Variants in CHD2 observed in about 807,000 individuals in gnomAD.
The protein encoded by CHD2 is ATP-dependent chromatin remodeler CHD2.
In CHD2, 28 loss-of-function variants were observed where a neutral mutation model predicts 243.9. The ratio of observed to expected loss-of-function variants is 0.11; its 90% confidence interval spans 0.09 to 0.16. The LOEUF (loss-of-function observed/expected upper bound fraction) is 0.16. CHD2 is among the 10% of genes least tolerant of loss of function. The pLI is 1.00. For synonymous variants in CHD2, 775 were observed against 779.0 expected, an observed-to-expected ratio of 0.99 and a Z score of 0.09; for missense variants, 1,386 against 2,209.8, an observed-to-expected ratio of 0.63 and a Z score of 7.47.
At chr15:92,927,978 C>T (rs1489574744) in intron 4 of CHD2, among the ~76,000 whole-genome samples, 1 of 152,030 alleles carries the variant, frequency 6.6e-6, no homozygotes, top group African/African-American at 2.4e-5. Flanking sequence ...GATTCTTATT[C>T]TGAATTAGGT....
intron 3 of CHD2, among the ~76,000 whole-genome samples, chr15:92,925,053 G>A (rs1449666177): frequency 1.3e-5 from 2 of 152,106 alleles, no homozygotes; most frequent in Non-Finnish European, 2.9e-5. Flanking sequence ...CACCTGCCTC[G>A]GCCTCCCAAA....
intron 37 of CHD2, among the ~76,000 whole-genome samples, chr15:93,019,156 TTG>T (rs2054499024): frequency 6.6e-6 from 1 of 152,120 alleles, no homozygotes; most frequent in African/African-American, 2.4e-5. Flanking sequence ...AGGTCCATTT[TTG>T]TGTGTGTGTG....
At chr15:92,994,200 T>C (rs1342007277) in intron 28 of CHD2, among the ~76,000 whole-genome samples, 1 of 152,178 alleles carries the variant, frequency 6.6e-6, no homozygotes, top group African/African-American at 2.4e-5. Context: ...TATAAGACTT[T>C]GGGCAAGTTA....
rs1438273343 is a variant in CHD2 at position 92,967,495 on chromosome 15, TTCAGAA to T, written c.2172_2177del (p.Lys726_Gln727del). On this transcript the variant is annotated inframe_deletion, in exon 17 of 39. Coordinates refer to ENST00000394196, the MANE Select transcript of CHD2 (RefSeq NM_001271.4). ...ATTCTCAGGGTGGAGATGTCAGCCCTTCAGAAACAGTATTACAAGTAAGTTCTTGTT... is the reference window on the plus strand; with the variant it reads ...ATTCTCAGGGTGGAGATGTCAGCCCTACAGTATTACAAGTAAGTTCTTGTT... 1 of 1,613,748 alleles carries T rather than the reference TTCAGAA, an allele frequency of 6.2e-7. No homozygotes were observed. The highest frequency in any genetic ancestry group is 8.5e-7 in the Non-Finnish European group (1 of 1,179,818).
At position 92,980,893 on chromosome 15, in the gene CHD2, G is replaced by C. The variant is rs768439257; in HGVS notation, c.2955G>C (p.Gly985=). The change falls in exon 23 of 39, where the codon GGG becomes GGC. Residue 985 remains glycine (G), a synonymous_variant. Coordinates refer to ENST00000394196, the MANE Select transcript of CHD2 (RefSeq NM_001271.4). ...GAEDLFKELE[G]EESEPQEMDI... ...AGGATCTCTTCAAAGAACTGGAAGG[G>C]GAGGAATCAGAACCTCAGGTAATTA... 1 of 1,613,096 alleles carries C rather than the reference G, an allele frequency of 6.2e-7. No individual in the cohort carries two copies. Among genetic ancestry groups the C allele is most frequent in the Non-Finnish European group, 8.5e-7 (1 of 1,179,212 alleles).
chr15:92,949,285 A>C (rs2053519654), intron 13 of CHD2: 2 of 1,249,704 alleles, frequency 1.6e-6, no homozygotes, highest in African/African-American at 3.1e-5. Flanking sequence ...TTCTGATCTA[A>C]AGAATACTTT....
rs1454060267 is a variant in CHD2 at position 92,985,630 on chromosome 15, C to T, written c.3370C>T (p.Arg1124Trp). The change falls in exon 26 of 39, where the codon CGG becomes TGG. Residue 1124 changes from arginine (R) to tryptophan (W), a missense_variant. Transcript: ENST00000394196. Reference sequence around the variant, plus strand: ...GCGCAGAGGGCGTCCGAGGAGTGTGCGGAAGGACCTCGTGGAGGGATTTAC... The same window carrying T: ...GCGCAGAGGGCGTCCGAGGAGTGTGTGGAAGGACCTCGTGGAGGGATTTAC... ...PKRRGRPRSV[R>W]KDLVEGFTDA... 1.2e-6 allele frequency: 2 copies of T among 1,613,444 alleles called. No individual in the cohort carries two copies. Among genetic ancestry groups the T allele is most frequent in the Non-Finnish European group, 1.7e-6 (2 of 1,179,876 alleles).
rs11639256 is a variant in CHD2 at position 92,985,243 on chromosome 15, T to C, written c.3238-255T>C. 0.69 allele frequency among the ~76,000 whole-genome samples: 104,628 copies of C among 152,096 alleles called. 37,370 individuals are homozygous for C. The highest frequency in any genetic ancestry group is 0.98 in the East Asian group (5,108 of 5,188). ...GAGTAAACATGAACCTGTTTTATAA[T>C]GGGATATTGTAAAAATATTCATATA... On this transcript the variant is annotated intron_variant, in intron 25 of 38. Coordinates refer to ENST00000394196, the MANE Select transcript of CHD2 (RefSeq NM_001271.4).
chr15:92,935,015 G>GT (rs112532540), intron 5 of CHD2, among the ~76,000 whole-genome samples: 2,615 of 146,680 alleles, frequency 0.018, 83 homozygotes, highest in African/African-American at 0.061. Context: ...GATTTGCTAA[G>GT]TTTTTTTTTT....
intron 10 of CHD2, chr15:92,945,389 C>A (rs1440635300): frequency 7.9e-6 from 1 of 127,184 alleles, no homozygotes; most frequent in Non-Finnish European, 1.7e-5. Context: ...TCTTCTTCTT[C>A]TTCTTCTTTT....
chr15:92,904,521 T>C (rs768559117), intron 2 of CHD2: 35 of 996,352 alleles, frequency 3.5e-5, no homozygotes, highest in Non-Finnish European at 4.0e-5. Flanking sequence ...AGTTGGGACT[T>C]TCCGGTGGGC....
intron 2 of CHD2, chr15:92,904,523 C>A (rs753444427): frequency 1.8e-5 from 18 of 996,660 alleles, no homozygotes; most frequent in Admixed American, 1.2e-4. Context: ...TTGGGACTTT[C>A]CGGTGGGCGG....
chr15:93,009,394 TA>T, intron 35 of CHD2, 71 bp downstream of exon 35: 1 of 1,458,972 alleles, frequency 6.9e-7, no homozygotes, highest in African/African-American at 1.4e-5. Context: ...TTTCTTTTAA[TA>T]AAAGGTGGCA....
At chr15:92,952,468 TCTGGGGGTGATGGGAGACAGCAA>T (rs1567139566) in intron 13 of CHD2, among the ~76,000 whole-genome samples, 1 of 152,196 alleles carries the variant, frequency 6.6e-6, no homozygotes, top group East Asian at 1.9e-4. Context: ...GACGGTCCCA[TCTGGGGGTGATGGGAGACAGCAA>T]CAGATCACCA....
chr15:93,018,605 T>C (rs539533972), intron 37 of CHD2, among the ~76,000 whole-genome samples: 1 of 152,214 alleles, frequency 6.6e-6, no homozygotes, highest in Admixed American at 6.5e-5. Flanking sequence ...TTTTCTCACA[T>C]TTCTGGAGAC....
chr15:92,927,146 T>A, intron 3 of CHD2, 98 bp from the exon 4 acceptor site: 1 of 874,562 alleles, frequency 1.1e-6, no homozygotes. Flanking sequence ...ACCCTTTTGA[T>A]ACTTGGTTAC....
At chr15:92,971,688 A>C in intron 17 of CHD2, 77 bp from the exon 18 acceptor site, 4 of 1,284,104 alleles carry the variant, frequency 3.1e-6, no homozygotes, top group Non-Finnish European at 4.2e-6. Flanking sequence ...TACTACTACT[A>C]TCTCTTATAC....
At chr15:92,948,775 C>G (rs932598763) in intron 12 of CHD2, among the ~76,000 whole-genome samples, 177 bp from the exon 13 acceptor site, 2 of 152,102 alleles carry the variant, frequency 1.3e-5, no homozygotes, top group African/African-American at 4.8e-5. Flanking sequence ...GGAGGCAGAG[C>G]TTGCAGTGAG....
At chr15:92,903,975 TTAAC>T in intron 2 of CHD2, among the ~76,000 whole-genome samples, 1 of 152,332 alleles carries the variant, frequency 6.6e-6, no homozygotes, top group East Asian at 1.9e-4. Context: ...AACAGGCAGT[TTAAC>T]TGGCAGCCAT....
Sources: gnomAD v4.1 joint callset for allele counts (sites outside exome capture counted in the v4.1 genomes callset) on GRCh38, gnomAD v4.1.1 for gene constraint, MANE v1.5 for transcripts, NCBI Gene and HGNC (gene_info 2026-07-23, HGNC 2026-07-21) for gene names.